Variants in PHIP observed in about 807,000 individuals in gnomAD.
PHIP encodes the protein PHIP subunit of CUL4-Ring ligase complex.
PHIP carries 54 observed loss-of-function variants against 236.8 expected under a neutral mutation model. That is an observed-to-expected ratio of 0.23 (90% CI 0.18 to 0.29). The LOEUF is 0.29. Among genes scored for constraint, PHIP ranks in the 10% least tolerant of loss-of-function variants. The pLI, the probability that PHIP is intolerant of heterozygous loss-of-function variation, is 1.00. For missense variants in PHIP, 1,370 were observed against 2,190.8 expected (o/e 0.63, Z 7.48); for synonymous variants, 756 against 718.9 (o/e 1.05, Z -0.83).
At chr6:79,036,851 G>A (rs1372685421) in intron 7 of PHIP, among the ~76,000 whole-genome samples, 1 of 147,318 alleles carries the variant, frequency 6.8e-6, no homozygotes, top group Non-Finnish European at 1.5e-5. Flanking sequence ...AACCTGGGAG[G>A]TGGAGCTTGC....
At chr6:78,999,308 T>A (rs777789944) in intron 17 of PHIP, among the ~76,000 whole-genome samples, 1 of 152,062 alleles carries the variant, frequency 6.6e-6, no homozygotes, top group Non-Finnish European at 1.5e-5. Flanking sequence ...AACATGACAA[T>A]CTCTTAACTT....
At chr6:79,077,592 G>T (rs1433465175) in intron 3 of PHIP, 85 bp from the exon 4 acceptor site, 1 of 913,576 alleles carries the variant, frequency 1.1e-6, no homozygotes, top group Non-Finnish European at 1.3e-6. Flanking sequence ...GCCCCGGCGG[G>T]GACCCCGAGC....
intron 7 of PHIP, among the ~76,000 whole-genome samples, chr6:79,032,371 A>G (rs1771720154): frequency 6.6e-6 from 1 of 152,188 alleles, no homozygotes; most frequent in Non-Finnish European, 1.5e-5. Flanking sequence ...ACAGCATTTT[A>G]CCCACAGTAG....
intron 6 of PHIP, 114 bp downstream of exon 6, chr6:79,060,364 T>A: frequency 1.7e-6 from 1 of 598,100 alleles, no homozygotes; most frequent in Non-Finnish European, 2.8e-6. Flanking sequence ...TCTTTTTGAA[T>A]GCAGATGTAC....
At position 78,940,559 on chromosome 6, in the gene PHIP, T is replaced by TTTTTTTTTTTG. The variant is rs1773446414; in HGVS notation, c.*133_*134insCAAAAAAAAAA. On this transcript the variant is annotated 3_prime_UTR_variant, in exon 40 of 40. Transcript: ENST00000275034. ...TGTCTCGTAAGTTTGTTTTTTTTTT[T>TTTTTTTTTTTG]TTTTTTTTTTTTGCAAATCAAATCA... 5.5e-6 allele frequency: 1 copy of TTTTTTTTTTTG among 180,458 alleles called. No homozygotes were observed. The highest frequency in any genetic ancestry group is 2.2e-4 in the South Asian group (1 of 4,560). 11.2% of individuals were successfully genotyped at this position (180,458 alleles called of 1,614,324 possible). A position where few individuals can be genotyped will look rare whatever the true frequency, so the allele number is the denominator to read the frequency against.
At chr6:79,052,284 T>G (rs912570453) in intron 6 of PHIP, among the ~76,000 whole-genome samples, 2 of 152,172 alleles carry the variant, frequency 1.3e-5, no homozygotes, top group Non-Finnish European at 2.9e-5. Context: ...CGCAGCATAT[T>G]CCAGGTTGAG....
Position 78,936,334 on chromosome 6 carries a change from G to C in PHIP, c.*4359C>G, listed in dbSNP as rs1296120673. ...CACATGTCTAAATATCCTGTGACAG[G>C]ATTTAAGTTTTCTAAAAGATCTTCA... On this transcript the variant is annotated 3_prime_UTR_variant, in exon 40 of 40. Transcript: ENST00000275034. The C allele has an allele frequency of 2.0e-5, 3 of 151,796 alleles. No homozygotes were observed. Among genetic ancestry groups the C allele is most frequent in the African/African-American group, 7.2e-5 (3 of 41,396 alleles). 9.4% of individuals were successfully genotyped at this position (151,796 alleles called of 1,614,324 possible). A position where few individuals can be genotyped will look rare whatever the true frequency, so the allele number is the denominator to read the frequency against.
chr6:78,978,682 A>G lies in PHIP; in HGVS notation c.2799T>C (p.Asn933=). 6.3e-7 allele frequency: 1 copy of G among 1,594,968 alleles called. No individual in the cohort carries two copies. Among genetic ancestry groups the G allele is most frequent in the Non-Finnish European group, 8.6e-7 (1 of 1,166,778 alleles). ...KRLAVGELTE[N]GLTLEEWLPS... Reference sequence around the variant, plus strand: ...GCAACCATTCTTCTAATGTCAAACCATTTTCAGTTAGTTCTCCCACAGCCA... The same window carrying G: ...GCAACCATTCTTCTAATGTCAAACCGTTTTCAGTTAGTTCTCCCACAGCCA... The change falls in exon 24 of 40, where the codon AAT becomes AAC. Residue 933 remains asparagine, a synonymous_variant. Transcript: ENST00000275034.
In PHIP at chr6:78,937,500, G is replaced by T. The variant is rs997432336; in HGVS notation, c.*3193C>A. 6.6e-6 allele frequency: 1 copy of T among 151,678 alleles called. No individual in the cohort carries two copies. The highest frequency in any genetic ancestry group is 2.4e-5 in the African/African-American group (1 of 41,394). 9.4% of individuals were successfully genotyped at this position (151,678 alleles called of 1,614,324 possible). A position where few individuals can be genotyped will look rare whatever the true frequency, so the allele number is the denominator to read the frequency against. On this transcript the variant is annotated 3_prime_UTR_variant, in exon 40 of 40. Coordinates refer to ENST00000275034, the MANE Select transcript of PHIP (RefSeq NM_017934.7). ...ATTTTCTCTGATTACTGTATCTTAT[G>T]TAATTCATTTCCAAGTGATAACTAA...
chr6:79,056,423 T>C (rs920569399), intron 6 of PHIP, among the ~76,000 whole-genome samples: 1 of 152,142 alleles, frequency 6.6e-6, no homozygotes, highest in Non-Finnish European at 1.5e-5. Context: ...AGGTCAGTCT[T>C]GTGTGACACA....
Position 78,947,780 on chromosome 6 carries a change from G to A in PHIP, c.4054-5C>T. The A allele has an allele frequency of 5.6e-6, 9 of 1,599,102 alleles. No homozygotes were observed. Among genetic ancestry groups the A allele is most frequent in the African/African-American group, 2.7e-5 (2 of 74,496 alleles). On this transcript the variant is annotated splice_polypyrimidine_tract_variant and splice_region_variant and intron_variant, in intron 35 of 39. Coordinates refer to ENST00000275034, the MANE Select transcript of PHIP (RefSeq NM_017934.7). ...GTCAATGATGTCTCTGTAGTCCTAG[G>A]AGAGGGAAAACAGGTGGTGTTATGA...
intron 35 of PHIP, among the ~76,000 whole-genome samples, chr6:78,949,396 C>A (rs1230199332): frequency 6.6e-6 from 1 of 152,130 alleles, no homozygotes; most frequent in East Asian, 1.9e-4. Flanking sequence ...CCACAATCAG[C>A]TCCTTTTCTC....
chr6:79,074,836 C>A (rs1010153992), intron 4 of PHIP, among the ~76,000 whole-genome samples: 10 of 152,078 alleles, frequency 6.6e-5, no homozygotes, highest in Non-Finnish European at 1.2e-4. Flanking sequence ...AGACTAACTA[C>A]AGATGATCAG....
At chr6:78,986,398 T>C (rs147061772) in intron 21 of PHIP, among the ~76,000 whole-genome samples, 2 of 152,238 alleles carry the variant, frequency 1.3e-5, no homozygotes, top group African/African-American at 4.8e-5. Context: ...TAACACCTCA[T>C]ATTTATTAAG....
intron 27 of PHIP, among the ~76,000 whole-genome samples, chr6:78,966,980 T>C (rs888676038): frequency 1.3e-5 from 2 of 152,260 alleles, no homozygotes; most frequent in African/African-American, 2.4e-5. Flanking sequence ...CTGGTAGTTT[T>C]TGACTAATGA....
At chr6:79,051,858 G>A (rs1027056790) in intron 6 of PHIP, among the ~76,000 whole-genome samples, 5 of 151,992 alleles carry the variant, frequency 3.3e-5, no homozygotes, top group African/African-American at 1.2e-4. Context: ...ATTTTAAAAT[G>A]TTTACAGTTG....
chr6:79,037,725 A>C (rs913567431), intron 7 of PHIP, among the ~76,000 whole-genome samples: 1 of 152,210 alleles, frequency 6.6e-6, no homozygotes, highest in Non-Finnish European at 1.5e-5. Context: ...CTTATCTTAC[A>C]GATATTTGTA....
chr6:79,016,394 C>A (rs1388855841), intron 13 of PHIP, 150 bp downstream of exon 13: 5 of 438,426 alleles, frequency 1.1e-5, no homozygotes, highest in African/African-American at 2.0e-5. Context: ...AAAATCAACA[C>A]TGCTCATCTC....
At chr6:79,038,952 A>G (rs1046029471) in intron 7 of PHIP, among the ~76,000 whole-genome samples, 2 of 152,148 alleles carry the variant, frequency 1.3e-5, no homozygotes, top group Non-Finnish European at 2.9e-5. Context: ...CTCACTCCCT[A>G]CATACAAATC....
Sources: allele counts gnomAD v4.1 joint callset (sites outside exome capture counted in the v4.1 genomes callset), GRCh38; gene constraint gnomAD v4.1.1; transcripts MANE v1.5; gene names NCBI Gene and HGNC (gene_info 2026-07-23, HGNC 2026-07-21).